MYLK: variants seen among roughly 807,000 people sequenced by gnomAD.
MYLK encodes the protein myosin light chain kinase, smooth muscle.
MYLK carries 106 observed loss-of-function variants against 203.4 expected under a neutral mutation model. That is an observed-to-expected ratio of 0.52 (90% CI 0.45 to 0.61). The LOEUF (loss-of-function observed/expected upper bound fraction) is 0.61. Ranked by LOEUF, MYLK falls within the 20% of genes least tolerant of loss-of-function variation. MYLK has a pLI of 0.00. For missense variants in MYLK, 2,072 were observed against 2,442.3 expected (o/e 0.85, Z 3.20); for synonymous variants, 867 against 959.5 (o/e 0.90, Z 1.78).
At chr3:123,625,575 G>A (rs1473883427) in intron 31 of MYLK, among the ~76,000 whole-genome samples, 2 of 152,018 alleles carry the variant, frequency 1.3e-5, no homozygotes, top group Non-Finnish European at 2.9e-5. Flanking sequence ...TTGGGAGGCC[G>A]AGGCGGGTGG....
At chr3:123,663,488 G>A (rs897899883) in intron 23 of MYLK, among the ~76,000 whole-genome samples, 1 of 152,126 alleles carries the variant, frequency 6.6e-6, no homozygotes, top group Non-Finnish European at 1.5e-5. Context: ...AGAGAGAGAA[G>A]GTAGGGTGGC....
At chr3:123,845,194 G>A (rs1028874598) in intron 2 of MYLK, among the ~76,000 whole-genome samples, 3 of 152,108 alleles carry the variant, frequency 2.0e-5, no homozygotes, top group African/African-American at 7.2e-5. Flanking sequence ...GTGGAAAGGG[G>A]CTGCACAGGG....
intron 3 of MYLK, 150 bp from the exon 4 acceptor site, chr3:123,793,994 G>A: frequency 1.3e-6 from 1 of 796,714 alleles, no homozygotes; most frequent in South Asian, 1.5e-5. Flanking sequence ...GCTCCTCTGT[G>A]AAGATGAGAG....
Position 123,699,944 on chromosome 3 carries a change from C to A in MYLK, c.3448+76G>T, listed in dbSNP as rs535677775. 2.2e-4 allele frequency: 359 copies of A among 1,601,280 alleles called. 2 individuals carry two copies. In the South Asian group the frequency reaches 3.2e-3, roughly 14 times the overall value. On this transcript the variant is annotated intron_variant, in intron 18 of 33. Transcript: ENST00000360304. Reference sequence around the variant, plus strand: ...CCTATGGGCTGCTAACAGGGGTCAGCGAGACCAACGCTCCATGAGCTAGGA... The same window carrying A: ...CCTATGGGCTGCTAACAGGGGTCAGAGAGACCAACGCTCCATGAGCTAGGA...
At chr3:123,618,517 C>G in intron 33 of MYLK, 122 bp downstream of exon 33, 2 of 1,387,404 alleles carry the variant, frequency 1.4e-6, no homozygotes, top group Non-Finnish European at 2.0e-6. Flanking sequence ...TCCCCCAAAG[C>G]TTGGCAGTTC....
rs147353352 is a variant in MYLK at position 123,746,890 on chromosome 3, G to A, written c.373+5441C>T. Reference sequence around the variant, plus strand: ...AAAAGCATTTATAAAGAACATAAATGGGAAATATAATTATAGGTCCTTCAG... The same window carrying A: ...AAAAGCATTTATAAAGAACATAAATAGGAAATATAATTATAGGTCCTTCAG... On this transcript the variant is annotated intron_variant, in intron 5 of 33. Coordinates refer to ENST00000360304, the MANE Select transcript of MYLK (RefSeq NM_053025.4). 3.5e-4 allele frequency among the ~76,000 whole-genome samples: 54 copies of A among 152,258 alleles called. No homozygotes were observed. In the East Asian group the frequency reaches 9.3e-3, roughly 26 times the overall value.
intron 2 of MYLK, among the ~76,000 whole-genome samples, chr3:123,859,159 T>C (rs913293833): frequency 6.6e-6 from 1 of 152,234 alleles, no homozygotes; most frequent in Non-Finnish European, 1.5e-5. Flanking sequence ...AAAAGAGTTC[T>C]GCATTCTAAT....
chr3:123,725,509 C>T (rs1448149844), intron 12 of MYLK, among the ~76,000 whole-genome samples: 1 of 152,158 alleles, frequency 6.6e-6, no homozygotes, highest in Non-Finnish European at 1.5e-5. Context: ...TAAGATCCCT[C>T]ATGCGACTTT....
At position 123,726,084 on chromosome 3, in the gene MYLK, A is replaced by G. The variant is rs562351303; in HGVS notation, c.1517-6T>C. On this transcript the variant is annotated splice_polypyrimidine_tract_variant and splice_region_variant and intron_variant, in intron 11 of 33. Transcript: ENST00000360304. ...CACCTCCATCACGGCAAGCCCTGTGAGGGAAAAGGACAGGTCAGCTCAGAT... is the reference window on the plus strand; with the variant it reads ...CACCTCCATCACGGCAAGCCCTGTGGGGGAAAAGGACAGGTCAGCTCAGAT... 1 of 1,614,110 alleles carries G rather than the reference A, an allele frequency of 6.2e-7. No homozygotes were observed. Among genetic ancestry groups the G allele is most frequent in the South Asian group, 1.1e-5 (1 of 91,054 alleles).
At chr3:123,765,613 C>G (rs920615508) in intron 4 of MYLK, among the ~76,000 whole-genome samples, 1 of 151,578 alleles carries the variant, frequency 6.6e-6, no homozygotes, top group Non-Finnish European at 1.5e-5. Context: ...TTCACAACAT[C>G]CAGATAGTGG....
At chr3:123,766,297 C>G (rs2063700092) in intron 4 of MYLK, among the ~76,000 whole-genome samples, 1 of 152,232 alleles carries the variant, frequency 6.6e-6, no homozygotes, top group South Asian at 2.1e-4. Flanking sequence ...TTTCTCTCCA[C>G]CCTCATTCCC....
At chr3:123,704,202 G>A (rs895937309) in intron 16 of MYLK, among the ~76,000 whole-genome samples, 7 of 152,218 alleles carry the variant, frequency 4.6e-5, no homozygotes, top group Non-Finnish European at 1.0e-4. Context: ...CTGGTGGCAG[G>A]GCAATAGCAG....
intron 7 of MYLK, among the ~76,000 whole-genome samples, chr3:123,738,287 T>C (rs1160380858): frequency 6.6e-6 from 1 of 152,194 alleles, no homozygotes; most frequent in African/African-American, 2.4e-5. Flanking sequence ...CAGGCTTGTC[T>C]TGACTCAGAA....
chr3:123,700,046 G>A lies in MYLK; in HGVS notation c.3422C>T (p.Thr1141Ile). The A allele has an allele frequency of 6.2e-7, 1 of 1,614,080 alleles. No individual in the cohort carries two copies. Among genetic ancestry groups the A allele is most frequent in the Non-Finnish European group, 8.5e-7 (1 of 1,180,020 alleles). Residue 1141 changes from threonine (T) to isoleucine (I), a missense_variant, in exon 18 of 34, where the codon ACC (threonine) becomes ATC (isoleucine). Physicochemically the swap from Thr to Ile is moderately conservative, Grantham distance 89. Transcript: ENST00000360304. ...TTCCTGGGAGAGGATGATGAACTTG[G>A]TGGTCTTGAGGGTCTTTCCGTTCAG... ...WTLNGKTLKT[T>I]KFIILSQEGS...
At chr3:123,631,857 TCA>T (rs924664215) in intron 29 of MYLK, among the ~76,000 whole-genome samples, 4 of 150,336 alleles carry the variant, frequency 2.7e-5, no homozygotes, top group Non-Finnish European at 4.4e-5. Context: ...TCTCTGGGCC[TCA>T]GTTTCTCCTT....
Position 123,649,181 on chromosome 3 carries a change from T to C in MYLK, c.4302A>G (p.Glu1434=), listed in dbSNP as rs145872838. The part of the protein sequence containing the change: ...VGEKPEEPKD[E]VEVSDDDEKE... ...ACTCACCATCATCTGACACCTCCAC[T>C]TCATCCTTCGGCTCTGGGGGGGGCA... is the stretch of plus-strand genomic sequence containing the variant. Residue 1434 remains glutamate, a synonymous_variant, in exon 25 of 34, where the codon GAA becomes GAG. Coordinates refer to ENST00000360304, the MANE Select transcript of MYLK (RefSeq NM_053025.4). 5.5e-5 allele frequency: 88 copies of C among 1,612,590 alleles called. No individual in the cohort carries two copies. The highest frequency in any genetic ancestry group is 1.1e-5 in the Non-Finnish European group (13 of 1,179,956).
At position 123,696,067 on chromosome 3, in the gene MYLK, A is replaced by G. The variant is rs150534246; in HGVS notation, c.3449-3216T>C. On this transcript the variant is annotated intron_variant, in intron 18 of 33. Transcript: ENST00000360304. ...CCTGCCACAAATCAACTAGTGGTGA[A>G]CTCTAGCCCATGGCTGTCAAACCTC... 2.6e-4 allele frequency among the ~76,000 whole-genome samples: 39 copies of G among 152,250 alleles called. No individual in the cohort carries two copies. The East Asian group carries it at 7.3e-3, about 29-fold the overall frequency.
chr3:123,634,296 C>T (rs532156281), intron 29 of MYLK, among the ~76,000 whole-genome samples: 2 of 152,304 alleles, frequency 1.3e-5, no homozygotes, highest in East Asian at 3.9e-4. Context: ...TATTTCCAGG[C>T]TCAGCAGCAG....
At chr3:123,825,366 T>G (rs1434463396) in intron 3 of MYLK, among the ~76,000 whole-genome samples, 1 of 152,066 alleles carries the variant, frequency 6.6e-6, no homozygotes, top group African/African-American at 2.4e-5. Context: ...CAGATCTATC[T>G]CCCCTGCCAA....
Sources: allele counts gnomAD v4.1 joint callset (sites outside exome capture counted in the v4.1 genomes callset), GRCh38; gene constraint gnomAD v4.1.1; transcripts MANE v1.5; gene names NCBI Gene and HGNC (gene_info 2026-07-23, HGNC 2026-07-21).